TULP4: variants seen among roughly 807,000 people sequenced by gnomAD.
TULP4 encodes the protein TUB like protein 4, also known as tubby-related protein 4.
Under a neutral mutation model 129.0 loss-of-function variants are expected in TULP4, and 16 were observed. The ratio of observed to expected loss-of-function variants is 0.12; its 90% CI spans 0.08 to 0.19. TULP4 has a LOEUF of 0.19. Among genes scored for constraint, TULP4 ranks in the 10% least tolerant of loss-of-function variants. TULP4 has a pLI of 1.00. For missense variants in TULP4, 1,842 were observed against 2,059.1 expected (o/e 0.89, Z 2.04); for synonymous variants, 998 against 854.0 (o/e 1.17, Z -2.94).
chr6:158,396,238 ATT>A (rs1777712517), intron 1 of TULP4, among the ~76,000 whole-genome samples: 1 of 150,862 alleles, frequency 6.6e-6, no homozygotes. Context: ...CCCAACCTCT[ATT>A]CTCTCATGTC....
intron 1 of TULP4, among the ~76,000 whole-genome samples, chr6:158,303,787 C>T (rs1779168888): frequency 6.6e-6 from 1 of 152,200 alleles, no homozygotes; most frequent in Non-Finnish European, 1.5e-5. Flanking sequence ...ACTAGTAATA[C>T]CAAACTATTT....
At position 158,504,133 on chromosome 6, in the gene TULP4, C is replaced by G. The variant is rs888910315; in HGVS notation, c.4470C>G (p.Thr1490=). 3.1e-6 allele frequency: 5 copies of G among 1,606,944 alleles called. No homozygotes were observed. The highest frequency in any genetic ancestry group is 3.4e-6 in the Non-Finnish European group (4 of 1,177,176). Reference sequence around the variant, plus strand: ...AGCTGGACTTCGGGGGGCGGGTGACCCAGGAGTCCGCCAAGAACTTCCAGA... The same window carrying G: ...AGCTGGACTTCGGGGGGCGGGTGACGCAGGAGTCCGCCAAGAACTTCCAGA... ...VYQLDFGGRV[T]QESAKNFQIE... The change falls in exon 13 of 14, where the codon ACC becomes ACG. Residue 1490 remains threonine (T), a synonymous_variant. Coordinates refer to ENST00000367097, the MANE Select transcript of TULP4 (RefSeq NM_020245.5).
upstream of TULP4, among the ~76,000 whole-genome samples, chr6:158,278,931 G>GT (rs1389156177): frequency 2.6e-3 from 252 of 96,006 alleles, 1 homozygote; most frequent in African/African-American, 3.7e-3. Context: ...CATAGTTGTT[G>GT]TTTTTTTTTG....
intron 1 of TULP4, 115 bp downstream of exon 1, chr6:158,314,383 C>T: frequency 7.9e-7 from 1 of 1,264,050 alleles, no homozygotes; most frequent in Admixed American, 2.1e-5. Context: ...AGTGAGACTT[C>T]CCATGCTGTG....
chr6:158,375,542 G>A (rs533615151), intron 1 of TULP4, among the ~76,000 whole-genome samples: 12 of 152,296 alleles, frequency 7.9e-5, no homozygotes, highest in African/African-American at 2.9e-4. Context: ...TTCCTCTGGG[G>A]ATGGAAGAAG....
chr6:158,324,698 G>T (rs1779708923), intron 1 of TULP4, among the ~76,000 whole-genome samples: 1 of 152,102 alleles, frequency 6.6e-6, no homozygotes, highest in Admixed American at 6.5e-5. Context: ...ATTTAGTGTA[G>T]CCCTCATAAC....
intron 6 of TULP4, among the ~76,000 whole-genome samples, chr6:158,467,176 T>C (rs1235115393): frequency 6.6e-6 from 1 of 152,132 alleles, no homozygotes; most frequent in African/African-American, 2.4e-5. Flanking sequence ...TTTTACCTCC[T>C]AGATATCTTC....
In TULP4 at chr6:158,287,945, A is replaced by G. The variant is rs1255185367; in HGVS notation, n.116+5567A>G. Among the ~76,000 whole-genome samples, 12 of 152,282 alleles carry G rather than the reference A, an allele frequency of 7.9e-5. No individual in the cohort carries two copies. In the East Asian group the frequency reaches 2.3e-3, roughly 29 times the overall value. ...TGTTTTTAAAGTGGCAAATGATACT[A>G]TTGCAGCTGTCCTTTAGCCCACTGG... On this transcript the variant is annotated intron_variant and non_coding_transcript_variant, in intron 1 of 1. Transcript: ENST00000432358.
chr6:158,307,703 G>A (rs1468439116), upstream of TULP4, among the ~76,000 whole-genome samples: 2 of 152,040 alleles, frequency 1.3e-5, no homozygotes, highest in Non-Finnish European at 2.9e-5. Flanking sequence ...GCCCGGTCTC[G>A]AACTCCTAAC....
chr6:158,439,700 CTTTTTTTTTTTTTTTTTT>C (rs71030170), intron 3 of TULP4, among the ~76,000 whole-genome samples: 7 of 68,248 alleles, frequency 1.0e-4, no homozygotes, highest in Admixed American at 9.8e-4. Flanking sequence ...ACTAGAGTTT[CTTTTTTTTTTTTTTTTTT>C]TTTTTTTTTT....
chr6:158,331,091 G>GT (rs549961621), intron 1 of TULP4, among the ~76,000 whole-genome samples: 3 of 151,910 alleles, frequency 2.0e-5, no homozygotes, highest in African/African-American at 7.3e-5. Context: ...GTTGTTATTG[G>GT]TTTTTTTCCC....
At chr6:158,478,314 G>C (rs2128249419) in intron 6 of TULP4, among the ~76,000 whole-genome samples, 1 of 152,246 alleles carries the variant, frequency 6.6e-6, no homozygotes, top group Non-Finnish European at 1.5e-5. Flanking sequence ...GTCTTAGGGG[G>C]CTCAGAGGTA....
At chr6:158,390,517 T>G (rs1384078189) in intron 1 of TULP4, among the ~76,000 whole-genome samples, 2 of 152,342 alleles carry the variant, frequency 1.3e-5, no homozygotes, top group African/African-American at 2.4e-5. Flanking sequence ...GATTCCAATT[T>G]GTAACTAGAA....
chr6:158,461,326 G>A (rs62438588), intron 5 of TULP4, among the ~76,000 whole-genome samples: 4 of 151,626 alleles, frequency 2.6e-5, no homozygotes, highest in Admixed American at 6.6e-5. Context: ...CAGGAGAATC[G>A]CTTGAACCCA....
chr6:158,371,499 G>A (rs536098953), intron 1 of TULP4, among the ~76,000 whole-genome samples: 26 of 152,268 alleles, frequency 1.7e-4, no homozygotes, highest in African/African-American at 6.3e-4. Context: ...ATTAAATGAC[G>A]TGTTTATGAA....
At chr6:158,239,339 G>A (rs1448244321) in intron 1 of TULP4, among the ~76,000 whole-genome samples, 22 of 58,598 alleles carry the variant, frequency 3.8e-4, no homozygotes, top group Admixed American at 6.7e-4. Flanking sequence ...CTCCCGGACG[G>A]GGCGGCTGGC....
intron 2 of TULP4, among the ~76,000 whole-genome samples, chr6:158,427,457 CA>C (rs1778522322): frequency 9.0e-6 from 1 of 111,142 alleles, no homozygotes; most frequent in African/African-American, 3.8e-5. Context: ...AATTCCTTTT[CA>C]AAATTATCAG....
Position 158,353,915 on chromosome 6 carries a change from G to A in TULP4, c.252+39647G>A, listed in dbSNP as rs1221158756. Among the ~76,000 whole-genome samples, 4 of 152,360 alleles carry A rather than the reference G, an allele frequency of 2.6e-5. No individual in the cohort carries two copies. In the East Asian group the frequency reaches 7.7e-4, roughly 29 times the overall value. On this transcript the variant is annotated intron_variant, in intron 1 of 13. Transcript: ENST00000367097. ...ATTCCCTAAAGGGGTTTTATTTTATGTGGGCGCTTGTTGAGAAATGTCTGA... is the reference window on the plus strand; with the variant it reads ...ATTCCCTAAAGGGGTTTTATTTTATATGGGCGCTTGTTGAGAAATGTCTGA...
intron 1 of TULP4, among the ~76,000 whole-genome samples, chr6:158,366,538 C>A (rs1211603098): frequency 1.3e-5 from 2 of 152,196 alleles, no homozygotes; most frequent in Admixed American, 1.3e-4. Context: ...TGGTTTCGTG[C>A]TGCGTCATAC....
Sources: allele counts gnomAD v4.1 joint callset (sites outside exome capture counted in the v4.1 genomes callset), GRCh38; gene constraint gnomAD v4.1.1; transcripts MANE v1.5; gene names NCBI Gene and HGNC (gene_info 2026-07-23, HGNC 2026-07-21).